The following DTD1 variants were observed in gnomAD, a reference collection of about 807,000 sequenced individuals.
DTD1 encodes D-aminoacyl-tRNA deacylase 1, also known as D-tyrosyl-tRNA deacylase 1 homolog.
In DTD1, 13 loss-of-function variants were observed where a neutral mutation model predicts 25.6. That is an observed-to-expected ratio of 0.51 (90% CI 0.33 to 0.81). The LOEUF is 0.81. Among genes scored for constraint, DTD1 ranks in the 30% least tolerant of loss-of-function variants. The pLI, the probability that DTD1 is intolerant of heterozygous loss-of-function variation, is 0.02. For missense variants in DTD1, 193 were observed against 266.4 expected (o/e 0.72, Z 1.92); for synonymous variants, 110 against 103.6 (o/e 1.06, Z -0.37).
intron 4 of DTD1, among the ~76,000 whole-genome samples, chr20:18,653,513 TTAAAG>T (rs1342258214): frequency 6.6e-6 from 1 of 152,242 alleles, no homozygotes; most frequent in East Asian, 1.9e-4. Context: ...ACTCTAAAAA[TTAAAG>T]TAAGCTTATG....
intron 4 of DTD1, among the ~76,000 whole-genome samples, chr20:18,720,875 G>A (rs1371556405): frequency 6.6e-6 from 1 of 151,922 alleles, no homozygotes; most frequent in Non-Finnish European, 1.5e-5. Flanking sequence ...ATTTTTTTTT[G>A]TTAACATGTA....
chr20:18,596,690 A>G (rs1740655175), intron 3 of DTD1, among the ~76,000 whole-genome samples: 1 of 152,184 alleles, frequency 6.6e-6, no homozygotes, highest in African/African-American at 2.4e-5. Context: ...TGATTTTACT[A>G]TGTAGTCGTT....
At chr20:18,690,835 T>C (rs955884478) in intron 4 of DTD1, among the ~76,000 whole-genome samples, 6 of 152,222 alleles carry the variant, frequency 3.9e-5, no homozygotes, top group African/African-American at 1.4e-4. Flanking sequence ...GGCTCTTTTT[T>C]GGTTTCCTAT....
chr20:18,752,771 A>G (rs1040943201), intron 5 of DTD1, among the ~76,000 whole-genome samples: 1 of 152,168 alleles, frequency 6.6e-6, no homozygotes, highest in Admixed American at 6.5e-5. Context: ...AGTAATATCT[A>G]TTCAAATATT....
At chr20:18,706,562 G>T (rs1600381686) in intron 4 of DTD1, among the ~76,000 whole-genome samples, 1 of 152,044 alleles carries the variant, frequency 6.6e-6, no homozygotes, top group Middle Eastern at 3.2e-3. Flanking sequence ...AGGCAAATTG[G>T]GCCTTCTTTA....
At chr20:18,751,961 A>G (rs1036264434) in intron 5 of DTD1, among the ~76,000 whole-genome samples, 3 of 151,984 alleles carry the variant, frequency 2.0e-5, no homozygotes, top group African/African-American at 4.8e-5. Flanking sequence ...GGCATGAGAG[A>G]AAAAGAAATA....
chr20:18,746,346 G>C (rs1325082063), intron 5 of DTD1, among the ~76,000 whole-genome samples: 1 of 152,188 alleles, frequency 6.6e-6, no homozygotes, highest in African/African-American at 2.4e-5. Flanking sequence ...TTCTGAAAGA[G>C]AGCAAGGGTC....
intron 4 of DTD1, among the ~76,000 whole-genome samples, chr20:18,662,834 G>A (rs1425939103): frequency 6.6e-6 from 1 of 152,080 alleles, no homozygotes; most frequent in Non-Finnish European, 1.5e-5. Context: ...ATTGTTGAAT[G>A]GACACAGCTG....
intron 4 of DTD1, among the ~76,000 whole-genome samples, chr20:18,658,189 A>ATTGTG (rs1491400533): frequency 1.7e-4 from 25 of 146,140 alleles, no homozygotes; most frequent in Non-Finnish European, 9.0e-5. Context: ...AGAGTCTGAG[A>ATTGTG]TGTGTGTGTG....
chr20:18,638,228 C>CA (rs1308286247), intron 4 of DTD1, among the ~76,000 whole-genome samples: 2 of 150,096 alleles, frequency 1.3e-5, no homozygotes, highest in African/African-American at 2.5e-5. Context: ...TCCATCCACT[C>CA]ACCTGTCCAC....
At chr20:18,619,982 A>C (rs896476448) in intron 3 of DTD1, 1 of 151,974 alleles carries the variant, frequency 6.6e-6, no homozygotes, top group African/African-American at 2.4e-5. Context: ...TTTAATTTTA[A>C]TTTTTAAAAA....
At chr20:18,727,080 G>A (rs2061224982) in intron 4 of DTD1, among the ~76,000 whole-genome samples, 1 of 152,238 alleles carries the variant, frequency 6.6e-6, no homozygotes, top group Non-Finnish European at 1.5e-5. Context: ...GGAGTCCTTG[G>A]CAGGTGCTGT....
intron 4 of DTD1, among the ~76,000 whole-genome samples, chr20:18,652,726 C>A (rs928759516): frequency 6.6e-6 from 1 of 152,132 alleles, no homozygotes; most frequent in African/African-American, 2.4e-5. Flanking sequence ...AGCTTGTAGA[C>A]CTGTTTTGGA....
intron 3 of DTD1, among the ~76,000 whole-genome samples, chr20:18,625,205 C>A (rs757176843): frequency 1.3e-5 from 2 of 152,236 alleles, no homozygotes; most frequent in Non-Finnish European, 2.9e-5. Context: ...CACTTCCCTC[C>A]ATGGCCCTGA....
chr20:18,588,224 C>T (rs1222650204), intron 1 of DTD1, 109 bp downstream of exon 1: 5 of 1,034,536 alleles, frequency 4.8e-6, no homozygotes, highest in Non-Finnish European at 6.1e-6. Flanking sequence ...GCGGCCCCTC[C>T]GCGAGCCTGG....
chr20:18,738,445 G>A (rs1448959586), intron 4 of DTD1, among the ~76,000 whole-genome samples: 1 of 152,202 alleles, frequency 6.6e-6, no homozygotes, highest in East Asian at 1.9e-4. Flanking sequence ...CTCCCCTAAG[G>A]GGAAAGCTGG....
intron 4 of DTD1, among the ~76,000 whole-genome samples, chr20:18,662,499 G>A (rs376889650): frequency 1.3e-5 from 2 of 152,214 alleles, no homozygotes; most frequent in East Asian, 3.8e-4. Context: ...ACCTGACTGA[G>A]CAATTCCACT....
intron 4 of DTD1, among the ~76,000 whole-genome samples, chr20:18,725,155 T>A (rs1431589183): frequency 6.6e-6 from 1 of 152,246 alleles, no homozygotes. Context: ...ATACTCACTT[T>A]TTATTGCATG....
chr20:18,751,086 G>GTGTGTGTGTGTGT (rs1177209253), intron 5 of DTD1, among the ~76,000 whole-genome samples: 1 of 86,246 alleles, frequency 1.2e-5, no homozygotes, highest in Admixed American at 1.1e-4. Flanking sequence ...TGTGTGTGTG[G>GTGTGTGTGTGTGT]GTGTGTGTTT....
Sources: allele counts gnomAD v4.1 joint callset (sites outside exome capture counted in the v4.1 genomes callset), GRCh38; gene constraint gnomAD v4.1.1; transcripts MANE v1.5; gene names NCBI Gene and HGNC (gene_info 2026-07-23, HGNC 2026-07-21).